The following CHMP5 variants were observed in gnomAD, a reference collection of about 807,000 sequenced individuals.
The protein encoded by CHMP5 is SNF7 domain containing 2.
In CHMP5, 17 loss-of-function variants were observed where a neutral mutation model predicts 33.0. The ratio of observed to expected loss-of-function variants is 0.52; its 90% confidence interval spans 0.35 to 0.77. The LOEUF is 0.77. Among genes scored for constraint, CHMP5 ranks in the 30% least tolerant of loss-of-function variants. The pLI is 0.01. For missense variants in CHMP5, 216 were observed against 261.5 expected, an observed-to-expected ratio of 0.83 and a Z score of 1.20; for synonymous variants, 76 against 90.2, an observed-to-expected ratio of 0.84 and a Z score of 0.89.
rs1211683342 is a variant in CHMP5, at chr9:33,281,105, C to G, written c.*246C>G. On this transcript the variant is annotated 3_prime_UTR_variant, in exon 8 of 8. Transcript: ENST00000223500. ...ACTCAGTTTAAAAGTATTTTTAGCT[C>G]GTATGACTTGTTTTCATTCATTAAT... is the stretch of plus-strand genomic sequence containing the variant. 2.5e-6 allele frequency: 1 copy of G among 401,172 alleles called. No individual in the cohort carries two copies. The highest frequency in any genetic ancestry group is 2.1e-5 in the African/African-American group (1 of 48,124). The allele number at this position is 401,172 out of a possible 1,614,324, so 24.9% of individuals were successfully genotyped here. A position where few individuals can be genotyped will look rare whatever the true frequency, so the allele number is the denominator to read the frequency against.
chr9:33,277,090 G>A (rs921090301), intron 6 of CHMP5, among the ~76,000 whole-genome samples: 10 of 151,512 alleles, frequency 6.6e-5, no homozygotes, highest in Non-Finnish European at 1.5e-4. Context: ...TAGCTACTCG[G>A]GAGGCTGAGG....
intron 6 of CHMP5, among the ~76,000 whole-genome samples, chr9:33,277,286 C>G (rs542118054): frequency 6.6e-6 from 1 of 151,504 alleles, no homozygotes; most frequent in Non-Finnish European, 1.5e-5. Flanking sequence ...GAATTTAGCA[C>G]TGAATAAAAA....
intron 3 of CHMP5, 141 bp from the exon 4 acceptor site, chr9:33,270,482 T>C (rs980798932): frequency 9.2e-6 from 6 of 648,944 alleles, no homozygotes; most frequent in African/African-American, 1.8e-5. Flanking sequence ...TTTTTGCCAA[T>C]TTTTCTGCGT....
chr9:33,267,930 C>T (rs769096428), intron 3 of CHMP5, 31 bp downstream of exon 3: 5 of 1,503,520 alleles, frequency 3.3e-6, no homozygotes, highest in Non-Finnish European at 2.8e-6. Context: ...CTACCTCTAG[C>T]AGGTTTAACT....
In CHMP5 at chr9:33,281,556, G is replaced by A. The variant is rs963145152; in HGVS notation, c.*697G>A. 1.1e-4 allele frequency: 16 copies of A among 152,360 alleles called. No homozygotes were observed. Among genetic ancestry groups the A allele is most frequent in the Non-Finnish European group, 1.6e-4 (11 of 68,006 alleles). The allele number at this position is 152,360 out of a possible 1,614,324, so 9.4% of individuals were successfully genotyped here. On this transcript the variant is annotated 3_prime_UTR_variant, in exon 8 of 8. Coordinates refer to ENST00000223500, the MANE Select transcript of CHMP5 (RefSeq NM_016410.6). ...CACTTCAGCTTAAAACCTCTACTGCGGAAACCAAATTTAATAGAATTTTAA... is the reference window on the plus strand; with the variant it reads ...CACTTCAGCTTAAAACCTCTACTGCAGAAACCAAATTTAATAGAATTTTAA...
intron 4 of CHMP5, 120 bp downstream of exon 4, chr9:33,270,836 C>A: frequency 1.3e-6 from 1 of 793,454 alleles, no homozygotes; most frequent in Non-Finnish European, 2.1e-6. Flanking sequence ...AATCCCAACA[C>A]TTTGGGAGGC....
intron 7 of CHMP5, among the ~76,000 whole-genome samples, chr9:33,280,268 C>T (rs1475697522): frequency 6.6e-6 from 1 of 152,196 alleles, no homozygotes; most frequent in African/African-American, 2.4e-5. Context: ...TGAGCCACCG[C>T]GCCCGGCCTG....
intron 5 of CHMP5, among the ~76,000 whole-genome samples, chr9:33,271,869 G>A (rs1042456644): frequency 6.6e-6 from 1 of 152,114 alleles, no homozygotes; most frequent in African/African-American, 2.4e-5. Flanking sequence ...TAACTAATTC[G>A]ATGATATTTA....
intron 5 of CHMP5, among the ~76,000 whole-genome samples, chr9:33,273,393 T>C (rs1820817754): frequency 1.3e-5 from 2 of 152,204 alleles, no homozygotes; most frequent in Non-Finnish European, 2.9e-5. Context: ...AGAGAAACTT[T>C]GGTCTTGGTG....
At chr9:33,278,960 G>A (rs1399325852) in intron 7 of CHMP5, among the ~76,000 whole-genome samples, 1 of 152,058 alleles carries the variant, frequency 6.6e-6, no homozygotes, top group Admixed American at 6.5e-5. Context: ...GACTCATTCT[G>A]TCACTCAGGC....
intron 7 of CHMP5, among the ~76,000 whole-genome samples, chr9:33,279,866 C>CA (rs77706408): frequency 0.32 from 17,395 of 54,524 alleles, 1,914 homozygotes; most frequent in East Asian, 0.45. Context: ...AACTCAATCT[C>CA]AAAAAAAAAA....
intron 3 of CHMP5, among the ~76,000 whole-genome samples, chr9:33,268,886 A>G (rs1820760032): frequency 6.6e-6 from 1 of 152,208 alleles, no homozygotes; most frequent in Admixed American, 6.5e-5. Flanking sequence ...ATAACTTTTT[A>G]GAAGAAATGA....
chr9:33,275,459 A>G (rs1820842053), intron 5 of CHMP5, among the ~76,000 whole-genome samples: 1 of 152,080 alleles, frequency 6.6e-6, no homozygotes, highest in Admixed American at 6.5e-5. Flanking sequence ...GCCCATGTAC[A>G]ACTCACTTTT....
intron 6 of CHMP5, among the ~76,000 whole-genome samples, chr9:33,277,614 G>A (rs955177335): frequency 2.6e-5 from 4 of 152,180 alleles, no homozygotes; most frequent in Non-Finnish European, 5.9e-5. Flanking sequence ...GACAGAAGTG[G>A]ACAGATTGAA....
intron 7 of CHMP5, among the ~76,000 whole-genome samples, chr9:33,280,070 G>A (rs994436950): frequency 4.2e-4 from 64 of 151,782 alleles, no homozygotes; most frequent in African/African-American, 1.0e-3. Flanking sequence ...CTCCACCCCC[G>A]GATTCAAGCA....
rs912424798 is a variant in CHMP5 at position 33,270,524 on chromosome 9, GTTT to G, written c.222-91_222-89del. ...TAATTTTTAAGTTTTTTGTTCCGTT[GTTT>G]TTTTTTTAAATACTCTTATTTAGTG... On this transcript the variant is annotated intron_variant, in intron 3 of 7. Transcript: ENST00000223500. 21 of 936,070 alleles carry G rather than the reference GTTT, an allele frequency of 2.2e-5. No homozygotes were observed. The African/African-American group carries it at 3.4e-4, about 15-fold the overall frequency. The allele number at this position is 936,070 out of a possible 1,614,324, so 58.0% of individuals were successfully genotyped here. A position where few individuals can be genotyped will look rare whatever the true frequency, so the allele number is the denominator to read the frequency against.
chr9:33,279,997 A>T (rs1321527843), intron 7 of CHMP5, among the ~76,000 whole-genome samples: 2 of 150,926 alleles, frequency 1.3e-5, no homozygotes, highest in Admixed American at 1.3e-4. Flanking sequence ...TATCTTTTTG[A>T]GATGGAGTCC....
intron 6 of CHMP5, among the ~76,000 whole-genome samples, chr9:33,277,001 G>C (rs1820863009): frequency 6.6e-6 from 1 of 151,936 alleles, no homozygotes; most frequent in Non-Finnish European, 1.5e-5. Context: ...TTCGAGACCT[G>C]GCTGAGCAAT....
Position 33,265,051 on chromosome 9 carries a change from T to G in CHMP5, c.-28T>G, listed in dbSNP as rs1277626548. On this transcript the variant is annotated 5_prime_UTR_variant, in exon 1 of 8. Transcript: ENST00000223500. ...GCTTCCGTTTCTGGTTTTGCTCTAG[T>G]GTTTGGGTTTCTTCGCGGCTGCTCA... 5.0e-6 allele frequency: 8 copies of G among 1,613,850 alleles called. No individual in the cohort carries two copies. In the African/African-American group the frequency reaches 8.0e-5, roughly 16 times the overall value.
Sources: allele counts gnomAD v4.1 joint callset (sites outside exome capture counted in the v4.1 genomes callset), GRCh38; gene constraint gnomAD v4.1.1; transcripts MANE v1.5; gene names NCBI Gene and HGNC (gene_info 2026-07-23, HGNC 2026-07-21).